The following RALGPS1 variants were observed in gnomAD, a reference collection of about 807,000 sequenced individuals.
RALGPS1 encodes ras-specific guanine nucleotide-releasing factor RalGPS1.
A neutral mutation model predicts 78.8 loss-of-function variants in RALGPS1; 19 were observed. That is an observed-to-expected ratio of 0.24 (90% CI 0.17 to 0.35). The LOEUF (loss-of-function observed/expected upper bound fraction) is 0.35. Among genes scored for constraint, RALGPS1 ranks in the 10% least tolerant of loss-of-function variants. The pLI is 1.00. For synonymous variants in RALGPS1, 228 were observed against 256.3 expected (o/e 0.89, Z 1.06); for missense variants, 454 against 688.3 (o/e 0.66, Z 3.81).
chr9:127,093,673 C>G (rs918802920), intron 8 of RALGPS1: 1 of 1,590,228 alleles, frequency 6.3e-7, no homozygotes, highest in African/African-American at 1.3e-5. Flanking sequence ...TTGCTCAGGC[C>G]TCTCTTGGGG....
chr9:127,123,012 C>G (rs376106655), intron 8 of RALGPS1: 1 of 152,504 alleles, frequency 6.6e-6, no homozygotes, highest in South Asian at 2.1e-4. Flanking sequence ...GGTTTAGATC[C>G]GCTCCAGCTG....
intron 8 of RALGPS1, among the ~76,000 whole-genome samples, chr9:127,118,864 A>G (rs1424697691): frequency 1.3e-5 from 2 of 151,920 alleles, no homozygotes; most frequent in African/African-American, 4.8e-5. Context: ...GCTGTCTGTT[A>G]TGTTTGTTCT....
At chr9:126,926,929 G>A (rs547783161) in intron 1 of RALGPS1, among the ~76,000 whole-genome samples, 7 of 152,296 alleles carry the variant, frequency 4.6e-5, no homozygotes, top group African/African-American at 9.6e-5. Context: ...GCTATGAAAC[G>A]TGAAAGGAAT....
intron 4 of RALGPS1, among the ~76,000 whole-genome samples, chr9:126,996,421 A>G (rs535579698): frequency 2.9e-4 from 44 of 152,352 alleles, no homozygotes; most frequent in Non-Finnish European, 4.7e-4. Context: ...CAAATAAACT[A>G]GAAAATCTAG....
intron 4 of RALGPS1, among the ~76,000 whole-genome samples, chr9:127,031,999 G>A (rs955929355): frequency 6.6e-6 from 1 of 152,192 alleles, no homozygotes; most frequent in African/African-American, 2.4e-5. Flanking sequence ...AAGAGAGAAT[G>A]GTGTGGGAAA....
intron 1 of RALGPS1, among the ~76,000 whole-genome samples, chr9:126,927,699 G>A (rs2035421385): frequency 1.3e-5 from 2 of 152,108 alleles, no homozygotes; most frequent in Admixed American, 6.5e-5. Flanking sequence ...TTCTATTGCT[G>A]GTCCTCGGGA....
Position 127,069,367 on chromosome 9 carries a change from G to C in RALGPS1, c.610+11G>C. 3.7e-6 allele frequency: 6 copies of C among 1,612,336 alleles called. No individual in the cohort carries two copies. Among genetic ancestry groups the C allele is most frequent in the Non-Finnish European group, 5.1e-6 (6 of 1,179,266 alleles). The stretch of plus-strand genomic sequence containing the variant: ...GTATTCCCTATCTAGGTAGGAGTTT[G>C]AATTGGCTTATTTTTTTTTAAGAAA... On this transcript the variant is annotated intron_variant, in intron 8 of 18. Coordinates refer to ENST00000259351, the MANE Select transcript of RALGPS1 (RefSeq NM_014636.3).
chr9:126,984,661 T>C (rs141013352), intron 4 of RALGPS1, among the ~76,000 whole-genome samples: 28 of 152,330 alleles, frequency 1.8e-4, no homozygotes, highest in East Asian at 9.6e-4. Flanking sequence ...CTTTTTGATA[T>C]ACAAATTGTC....
At chr9:127,098,086 A>G (rs2053334373) in intron 8 of RALGPS1, among the ~76,000 whole-genome samples, 2 of 152,166 alleles carry the variant, frequency 1.3e-5, no homozygotes, top group Non-Finnish European at 2.9e-5. Flanking sequence ...CCTCCTCCAC[A>G]CACGTTACTA....
At chr9:127,217,987 T>C (rs1389914503) in intron 18 of RALGPS1, among the ~76,000 whole-genome samples, 3 of 152,208 alleles carry the variant, frequency 2.0e-5, no homozygotes, top group Admixed American at 1.3e-4. Context: ...CTAATGACCA[T>C]TCTTATAACT....
At chr9:127,124,469 T>C (rs1335667281) in intron 8 of RALGPS1, among the ~76,000 whole-genome samples, 1 of 152,132 alleles carries the variant, frequency 6.6e-6, no homozygotes, top group Non-Finnish European at 1.5e-5. Flanking sequence ...AGTCTTCCTG[T>C]TGAGGCCCCA....
At chr9:127,177,594 C>T (rs567435605) in intron 11 of RALGPS1, among the ~76,000 whole-genome samples, 3 of 152,108 alleles carry the variant, frequency 2.0e-5, no homozygotes, top group Non-Finnish European at 4.4e-5. Context: ...CCCTAGCCCC[C>T]AGCCCAGGTC....
At chr9:127,206,014 C>G (rs749710440) in intron 14 of RALGPS1, among the ~76,000 whole-genome samples, 13 of 152,236 alleles carry the variant, frequency 8.5e-5, no homozygotes, top group Non-Finnish European at 1.6e-4. Flanking sequence ...AAATGTCCTT[C>G]AAAAATTGCT....
At chr9:127,151,417 G>A (rs1056996392) in intron 8 of RALGPS1, among the ~76,000 whole-genome samples, 3 of 152,100 alleles carry the variant, frequency 2.0e-5, no homozygotes, top group African/African-American at 7.2e-5. Context: ...CATATCATCA[G>A]ATGTCCACTA....
rs146774627 is a variant in RALGPS1 at position 127,116,321 on chromosome 9, G to C, written c.610+46965G>C. On this transcript the variant is annotated intron_variant, in intron 8 of 18. Transcript: ENST00000259351. ...GGTCACACCATGAGATCATAGGGTA[G>C]AGGGGGATGTGGTTAGGGAGTGGGG... 2.5e-3 allele frequency among the ~76,000 whole-genome samples: 384 copies of C among 152,224 alleles called. 2 individuals are homozygous for C. Among genetic ancestry groups the C allele is most frequent in the Admixed American group, 6.2e-3 (95 of 15,298 alleles).
In RALGPS1 at chr9:127,169,680, A is replaced by G. The variant is rs571925624; in HGVS notation, c.842+908A>G. Among the ~76,000 whole-genome samples, 11 of 152,260 alleles carry G rather than the reference A, an allele frequency of 7.2e-5. No homozygotes were observed. The South Asian group carries it at 1.9e-3, about 26-fold the overall frequency. On this transcript the variant is annotated intron_variant, in intron 10 of 18. Coordinates refer to ENST00000259351, the MANE Select transcript of RALGPS1 (RefSeq NM_014636.3). ...GATGGTTCAACTTAACGATCTTTCA[A>G]CTTTACAGTGGTGCGAAAGCAACGC...
At chr9:126,935,360 T>C (rs2036162215) in intron 1 of RALGPS1, among the ~76,000 whole-genome samples, 1 of 152,184 alleles carries the variant, frequency 6.6e-6, no homozygotes, top group Non-Finnish European at 1.5e-5. Context: ...TTTGTTGCCA[T>C]GGCGCCCAGG....
chr9:127,108,474 C>T, intron 8 of RALGPS1: 1 of 1,612,484 alleles, frequency 6.2e-7, no homozygotes. Context: ...CTAGCTCCTG[C>T]TTATGCACTC....
chr9:127,018,562 G>A (rs1589044583), intron 4 of RALGPS1, among the ~76,000 whole-genome samples: 1 of 151,908 alleles, frequency 6.6e-6, no homozygotes, highest in Non-Finnish European at 1.5e-5. Context: ...GAACCTGGGA[G>A]GCGGAGGTTG....
Sources: allele counts gnomAD v4.1 joint callset (sites outside exome capture counted in the v4.1 genomes callset), GRCh38; gene constraint gnomAD v4.1.1; transcripts MANE v1.5; gene names NCBI Gene and HGNC (gene_info 2026-07-23, HGNC 2026-07-21).